The following ARL15 variants were observed in gnomAD, a reference collection of about 807,000 sequenced individuals.
ARL15 encodes the protein ARF like GTPase 15, also known as ADP-ribosylation factor-like protein 15.
Under a neutral mutation model 25.2 loss-of-function variants are expected in ARL15, and 19 were observed. The observed-to-expected ratio is 0.75, with a 90% CI of 0.53 to 1.10. The LOEUF (loss-of-function observed/expected upper bound fraction) is 1.10. Ranked by LOEUF, ARL15 falls within the 50% of genes least tolerant of loss-of-function variation. ARL15 has a pLI of 0.00. For synonymous variants in ARL15, 94 were observed against 86.8 expected (o/e 1.08, Z -0.46); for missense variants, 220 against 246.0 (o/e 0.89, Z 0.71).
At chr5:53,915,811 A>T (rs1745625883) in intron 4 of ARL15, among the ~76,000 whole-genome samples, 2 of 151,750 alleles carry the variant, frequency 1.3e-5, no homozygotes, top group Non-Finnish European at 1.5e-5. Flanking sequence ...TTTAAATATC[A>T]TTGCAGCAAG....
chr5:54,227,896 G>A (rs545744616), intron 1 of ARL15, among the ~76,000 whole-genome samples: 5 of 152,172 alleles, frequency 3.3e-5, no homozygotes, highest in African/African-American at 1.2e-4. Context: ...TGCAGAAGGA[G>A]TTAACATTTT....
chr5:53,943,991 A>G (rs1433668522), intron 4 of ARL15, among the ~76,000 whole-genome samples: 1 of 152,210 alleles, frequency 6.6e-6, no homozygotes, highest in Non-Finnish European at 1.5e-5. Context: ...GGAACAAGAA[A>G]GACACTCATC....
chr5:53,965,850 C>T (rs750381793), intron 4 of ARL15, among the ~76,000 whole-genome samples: 1 of 152,116 alleles, frequency 6.6e-6, no homozygotes, highest in African/African-American at 2.4e-5. Flanking sequence ...TTCATCTACC[C>T]AGTTGGATAA....
intron 4 of ARL15, among the ~76,000 whole-genome samples, chr5:53,938,362 C>A (rs1006836456): frequency 1.3e-5 from 2 of 152,048 alleles, no homozygotes; most frequent in Non-Finnish European, 2.9e-5. Flanking sequence ...ACTTCCCTAC[C>A]ACATGTCTGG....
At chr5:54,299,150 C>A (rs1758547685) in intron 1 of ARL15, among the ~76,000 whole-genome samples, 1 of 152,122 alleles carries the variant, frequency 6.6e-6, no homozygotes. Context: ...GATCCTCCCG[C>A]CTTGGCCTCC....
intron 4 of ARL15, among the ~76,000 whole-genome samples, chr5:53,998,290 A>C (rs1748747100): frequency 6.6e-6 from 1 of 152,014 alleles, no homozygotes; most frequent in African/African-American, 2.4e-5. Flanking sequence ...CAGGAAAAAA[A>C]AAAAAAAAAA....
chr5:54,262,875 T>TTA (rs758252849), intron 1 of ARL15, among the ~76,000 whole-genome samples: 5 of 152,202 alleles, frequency 3.3e-5, no homozygotes, highest in African/African-American at 4.8e-5. Flanking sequence ...AACAGGCACT[T>TTA]TAATTCTGTT....
chr5:54,160,855 C>A (rs1754382326), intron 2 of ARL15, among the ~76,000 whole-genome samples: 1 of 152,112 alleles, frequency 6.6e-6, no homozygotes. Flanking sequence ...GAAACCAACT[C>A]TGAAGGTAGA....
intron 4 of ARL15, among the ~76,000 whole-genome samples, chr5:53,909,795 CTG>C (rs1745394391): frequency 6.6e-6 from 1 of 152,182 alleles, no homozygotes; most frequent in African/African-American, 2.4e-5. Flanking sequence ...TAAAACTACA[CTG>C]TATGCAGAGA....
intron 4 of ARL15, among the ~76,000 whole-genome samples, chr5:54,068,216 G>C (rs1177088559): frequency 6.6e-6 from 1 of 152,142 alleles, no homozygotes; most frequent in East Asian, 1.9e-4. Flanking sequence ...TGAGAGTGAA[G>C]GCAGAGTGTG....
intron 4 of ARL15, among the ~76,000 whole-genome samples, chr5:54,099,556 G>A (rs1752378983): frequency 1.3e-5 from 2 of 151,972 alleles, no homozygotes; most frequent in African/African-American, 4.8e-5. Flanking sequence ...ACCCTCAAAG[G>A]AATATAAATA....
At chr5:54,032,242 T>A (rs1750015517) in intron 4 of ARL15, among the ~76,000 whole-genome samples, 1 of 149,174 alleles carries the variant, frequency 6.7e-6, no homozygotes, top group South Asian at 2.1e-4. Context: ...CTTCTTCTTA[T>A]TTTTTTTTTG....
chr5:54,278,244 C>T (rs1034126357), intron 1 of ARL15, among the ~76,000 whole-genome samples: 1 of 152,172 alleles, frequency 6.6e-6, no homozygotes, highest in Non-Finnish European at 1.5e-5. Context: ...CAAAGCAATG[C>T]CCTTGTGTGC....
At chr5:54,217,718 G>A (rs536284534) in intron 1 of ARL15, among the ~76,000 whole-genome samples, 7 of 152,078 alleles carry the variant, frequency 4.6e-5, no homozygotes, top group South Asian at 2.1e-4. Context: ...TGTTACCCTC[G>A]GTAGAATTAG....
chr5:54,030,294 G>C (rs1178040023), intron 4 of ARL15, among the ~76,000 whole-genome samples: 2 of 152,168 alleles, frequency 1.3e-5, no homozygotes, highest in African/African-American at 4.8e-5. Flanking sequence ...AGAGTTTTTG[G>C]AGGGGGGATA....
chr5:54,171,633 A>G, intron 2 of ARL15, 151 bp downstream of exon 2: 1 of 991,572 alleles, frequency 1.0e-6, no homozygotes, highest in Non-Finnish European at 1.4e-6. Flanking sequence ...TTCATTTCAA[A>G]TCTTTTTTGA....
chr5:53,964,649 C>T (rs1273453302), intron 4 of ARL15, among the ~76,000 whole-genome samples: 10 of 152,146 alleles, frequency 6.6e-5, no homozygotes, highest in East Asian at 1.9e-4. Flanking sequence ...CGTGAGCCAC[C>T]GCACCTGGCC....
intron 1 of ARL15, among the ~76,000 whole-genome samples, chr5:54,240,238 A>T (rs1263710221): frequency 1.4e-5 from 2 of 146,494 alleles, no homozygotes; most frequent in East Asian, 2.0e-4. Flanking sequence ...AAAATAAAAA[A>T]AAAAAAAACA....
chr5:54,116,290 T>C (rs546213094), intron 3 of ARL15, among the ~76,000 whole-genome samples: 6 of 152,084 alleles, frequency 3.9e-5, no homozygotes, highest in Non-Finnish European at 5.9e-5. Context: ...CCACAGCAGC[T>C]GGGAGATGGA....
Sources: allele counts gnomAD v4.1 joint callset (sites outside exome capture counted in the v4.1 genomes callset), GRCh38; gene constraint gnomAD v4.1.1; transcripts MANE v1.5; gene names NCBI Gene and HGNC (gene_info 2026-07-23, HGNC 2026-07-21).